ANO3: variants seen among roughly 807,000 people sequenced by gnomAD.
The protein encoded by ANO3 is anoctamin 3.
Under a neutral mutation model 144.8 loss-of-function variants are expected in ANO3, and 99 were observed. The ratio of observed to expected loss-of-function variants is 0.68; its 90% CI spans 0.58 to 0.81. The LOEUF (loss-of-function observed/expected upper bound fraction) is 0.81. ANO3 is among the 30% of genes least tolerant of loss of function. The pLI is 0.00. For missense variants in ANO3, 905 were observed against 1,202.2 expected, an observed-to-expected ratio of 0.75 and a Z score of 3.66; for synonymous variants, 414 against 392.6, an observed-to-expected ratio of 1.05 and a Z score of -0.64.
chr11:26,618,162 A>C (rs932159207), intron 17 of ANO3, among the ~76,000 whole-genome samples: 7 of 152,196 alleles, frequency 4.6e-5, no homozygotes, highest in Non-Finnish European at 8.8e-5. Flanking sequence ...TTCAAATATA[A>C]TCCATGTACA....
At chr11:26,466,393 T>A (rs1341768746) in intron 4 of ANO3, among the ~76,000 whole-genome samples, 1 of 152,020 alleles carries the variant, frequency 6.6e-6, no homozygotes, top group Non-Finnish European at 1.5e-5. Flanking sequence ...CAATGAGATT[T>A]TGCAGCTTTT....
At position 26,537,953 on chromosome 11, in the gene ANO3, G is replaced by C. The variant is rs138379690; in HGVS notation, c.1032+492G>C. On this transcript the variant is annotated intron_variant, in intron 10 of 26. Transcript: ENST00000256737. Reference sequence around the variant, plus strand: ...GCCTTGTCCACTGTAAATGATATTTGAGCCAACTTTTATTCCCTGACCTCT... The same window carrying C: ...GCCTTGTCCACTGTAAATGATATTTCAGCCAACTTTTATTCCCTGACCTCT... Among the ~76,000 whole-genome samples, 392 of 152,292 alleles carry C rather than the reference G, an allele frequency of 2.6e-3. 5 individuals carry two copies. The highest frequency in any genetic ancestry group is 0.019 in the Admixed American group (292 of 15,282).
intron 17 of ANO3, among the ~76,000 whole-genome samples, chr11:26,622,444 G>A (rs58786891): frequency 0.28 from 40,803 of 145,024 alleles, 6,230 homozygotes; most frequent in South Asian, 0.45. Context: ...AAAAAAAAAA[G>A]AAAAGAAAAT....
intron 1 of ANO3, among the ~76,000 whole-genome samples, chr11:26,334,293 A>T (rs556777781): frequency 6.6e-6 from 1 of 152,368 alleles, no homozygotes; most frequent in South Asian, 2.1e-4. Context: ...GTTCTGGTTA[A>T]TGGCTTCTTA....
At chr11:26,241,063 C>T (rs1014182517) in intron 1 of ANO3, among the ~76,000 whole-genome samples, 3 of 152,040 alleles carry the variant, frequency 2.0e-5, no homozygotes, top group Non-Finnish European at 4.4e-5. Flanking sequence ...GTGCTGTTCT[C>T]GTGATAGTGA....
At chr11:26,376,806 G>T (rs1856424539) in intron 1 of ANO3, among the ~76,000 whole-genome samples, 1 of 152,166 alleles carries the variant, frequency 6.6e-6, no homozygotes, top group South Asian at 2.1e-4. Context: ...AATAGATAAT[G>T]ATAGGGAAAT....
chr11:26,631,189 T>G (rs1202620231), intron 18 of ANO3, among the ~76,000 whole-genome samples: 2 of 152,072 alleles, frequency 1.3e-5, no homozygotes, highest in Non-Finnish European at 2.9e-5. Flanking sequence ...TGGTGGAGTC[T>G]TCTCTCTTTT....
intron 1 of ANO3, chr11:26,426,961 C>T (rs968718755): frequency 1.3e-5 from 2 of 152,256 alleles, no homozygotes; most frequent in African/African-American, 4.8e-5. Context: ...TGAAGTAAAG[C>T]AGTCTGTGTA....
In ANO3 at chr11:26,250,210, T is replaced by C. The variant is rs1852895550; in HGVS notation, c.155-59435T>C. On this transcript the variant is annotated intron_variant, in intron 1 of 27. Coordinates refer to the ANO3 transcript ENST00000672621. ...CATTAACCTCTGAAAATCTTCCTTT[T>C]CTTTTCACATATGTTTGAAGTTTTC... Among the ~76,000 whole-genome samples the C allele has an allele frequency of 2.6e-5, 4 of 152,250 alleles. No individual in the cohort carries two copies. The South Asian group carries it at 8.3e-4, about 32-fold the overall frequency.
chr11:26,236,184 A>G (rs1205240587), intron 1 of ANO3, among the ~76,000 whole-genome samples: 1 of 152,096 alleles, frequency 6.6e-6, no homozygotes, highest in East Asian at 1.9e-4. Flanking sequence ...TGCTTTCAAA[A>G]TTTCATATCT....
intron 1 of ANO3, among the ~76,000 whole-genome samples, chr11:26,281,369 T>G (rs570255930): frequency 3.9e-5 from 6 of 152,266 alleles, no homozygotes; most frequent in African/African-American, 1.4e-4. Context: ...CAAACCACTC[T>G]GAACTCCTCA....
At chr11:26,557,216 C>A (rs1339925521) in intron 13 of ANO3, among the ~76,000 whole-genome samples, 1 of 152,088 alleles carries the variant, frequency 6.6e-6, no homozygotes, top group African/African-American at 2.4e-5. Context: ...AATCCCAGCA[C>A]TTTGGGAGGC....
intron 17 of ANO3, among the ~76,000 whole-genome samples, chr11:26,623,911 C>T (rs1036873940): frequency 6.6e-6 from 1 of 152,062 alleles, no homozygotes; most frequent in Non-Finnish European, 1.5e-5. Context: ...CTCAGCCTCC[C>T]GAGTAGCTGG....
At chr11:26,608,594 G>A (rs952651209) in intron 17 of ANO3, among the ~76,000 whole-genome samples, 1 of 152,096 alleles carries the variant, frequency 6.6e-6, no homozygotes, top group Non-Finnish European at 1.5e-5. Context: ...CTGTCCCTGG[G>A]GACCCAGGCC....
chr11:26,635,889 G>A (rs181876631), intron 20 of ANO3, among the ~76,000 whole-genome samples: 2 of 152,180 alleles, frequency 1.3e-5, no homozygotes, highest in Admixed American at 6.6e-5. Context: ...TTCCTCTTTT[G>A]TAAATTGGTG....
At chr11:26,254,549 GTCTTACTCACTGCTGGCAGAAAGAAT>G (rs1853011866) in intron 1 of ANO3, among the ~76,000 whole-genome samples, 2 of 152,064 alleles carry the variant, frequency 1.3e-5, no homozygotes. Context: ...CTTGGGATTA[GTCTTACTCACTGCTGGCAGAAAGAAT>G]TCTACTCAGA....
intron 14 of ANO3, chr11:26,566,989 A>G: frequency 7.7e-7 from 1 of 1,293,750 alleles, no homozygotes; most frequent in Non-Finnish European, 1.0e-6. Context: ...TTCAAATATA[A>G]TAATATATCT....
At chr11:26,533,229 G>C (rs1849418317) in intron 8 of ANO3, among the ~76,000 whole-genome samples, 1 of 152,148 alleles carries the variant, frequency 6.6e-6, no homozygotes, top group Non-Finnish European at 1.5e-5. Flanking sequence ...CAGGATCTGG[G>C]ATGCCTTTTC....
chr11:26,614,883 A>T (rs1268673376), intron 17 of ANO3, among the ~76,000 whole-genome samples: 3 of 152,102 alleles, frequency 2.0e-5, no homozygotes, highest in African/African-American at 7.2e-5. Flanking sequence ...TACTTCAGTC[A>T]CTTTACTTAC....
Sources: allele counts gnomAD v4.1 joint callset (sites outside exome capture counted in the v4.1 genomes callset), GRCh38; gene constraint gnomAD v4.1.1; transcripts MANE v1.5; gene names NCBI Gene and HGNC (gene_info 2026-07-23, HGNC 2026-07-21).